RASEF: variants seen among roughly 807,000 people sequenced by gnomAD.
RASEF encodes the protein ras and EF-hand domain-containing protein.
A neutral mutation model predicts 90.1 loss-of-function variants in RASEF; 68 were observed. The ratio of observed to expected loss-of-function variants is 0.75; its 90% CI spans 0.62 to 0.92. The LOEUF is 0.92. RASEF is among the 40% of genes least tolerant of loss of function. The pLI, the probability that RASEF is intolerant of heterozygous loss-of-function variation, is 0.00. For missense variants in RASEF, 949 were observed against 937.2 expected (o/e 1.01, Z -0.16); for synonymous variants, 331 against 345.2 (o/e 0.96, Z 0.46).
chr9:83,059,438 C>G (rs1830167355), intron 1 of RASEF, among the ~76,000 whole-genome samples: 1 of 151,674 alleles, frequency 6.6e-6, no homozygotes, highest in African/African-American at 2.4e-5. Context: ...CACTCTCTCT[C>G]AAAATGCAGA....
rs772412112 is a variant in RASEF, at chr9:83,007,439, G to C, written c.1026C>G (p.Leu342=). The change falls in exon 7 of 17, where the codon CTC becomes CTG. Residue 342 remains leucine (L), a splice_region_variant and synonymous_variant. Coordinates refer to ENST00000376447, the MANE Select transcript of RASEF (RefSeq NM_152573.4). ...RNSLERQIEI[L]QTANRKLHDS... ...GAGCATTTGATCTGCGGACTTACTG[G>C]AGTATTTCAATTTGCCTCTCAAGAC... is the stretch of plus-strand genomic sequence containing the variant. The C allele has an allele frequency of 1.9e-6, 3 of 1,604,146 alleles. No individual in the cohort carries two copies. In the South Asian group the frequency reaches 3.3e-5, roughly 18 times the overall value.
intron 1 of RASEF, chr9:83,054,684 T>C (rs1320429258): frequency 7.1e-6 from 1 of 141,750 alleles, no homozygotes; most frequent in East Asian, 2.2e-4. Context: ...TTTTATCTAC[T>C]TTTGGTCTTT....
the RASEF span, among the ~76,000 whole-genome samples, chr9:83,153,433 C>T: frequency 6.6e-6 from 1 of 152,150 alleles, no homozygotes; most frequent in Non-Finnish European, 1.5e-5. Flanking sequence ...TGCCCAAAAC[C>T]CTAAAAAATT....
the RASEF span, among the ~76,000 whole-genome samples, chr9:83,091,868 G>A: frequency 1.3e-5 from 2 of 152,056 alleles, no homozygotes; most frequent in South Asian, 4.2e-4. Context: ...CCAAAATTTT[G>A]AGATGTTATT....
chr9:83,119,200 G>A, the RASEF span, among the ~76,000 whole-genome samples: 12 of 145,286 alleles, frequency 8.3e-5, no homozygotes, highest in African/African-American at 2.8e-4. Flanking sequence ...TGTATTTTTG[G>A]TAGAGACGGG....
intron 9 of RASEF, among the ~76,000 whole-genome samples, chr9:83,001,721 A>C (rs1829044138): frequency 6.6e-6 from 1 of 152,210 alleles, no homozygotes; most frequent in African/African-American, 2.4e-5. Flanking sequence ...ACAAGACAAA[A>C]TAAGATAAGC....
the RASEF span, among the ~76,000 whole-genome samples, chr9:83,110,594 T>G: frequency 6.6e-6 from 1 of 151,758 alleles, no homozygotes; most frequent in Non-Finnish European, 1.5e-5. Flanking sequence ...AGGCCCAGAG[T>G]GTGCACAAAG....
chr9:83,158,719 T>TATGTATATATTTATGTACATATACATAC, the RASEF span, among the ~76,000 whole-genome samples: 1 of 149,038 alleles, frequency 6.7e-6, no homozygotes, highest in African/African-American at 2.5e-5. Context: ...CATATACATA[T>TATGTATATATTTATGTACATATACATAC]ATGTATATAT....
chr9:83,168,654 A>ATC, the RASEF span, among the ~76,000 whole-genome samples: 1 of 152,216 alleles, frequency 6.6e-6, no homozygotes, highest in East Asian at 1.9e-4. Flanking sequence ...TGGGCAGAAG[A>ATC]TCTGAATAGA....
chr9:83,075,107 C>T, the RASEF span, among the ~76,000 whole-genome samples: 1 of 152,030 alleles, frequency 6.6e-6, no homozygotes, highest in African/African-American at 2.4e-5. Flanking sequence ...ATTAATTTTG[C>T]CTTTGTGAAG....
At chr9:83,175,863 G>C in the RASEF span, among the ~76,000 whole-genome samples, 5 of 152,312 alleles carry the variant, frequency 3.3e-5, no homozygotes, top group Admixed American at 3.3e-4. Flanking sequence ...ACAGGCGTGA[G>C]CCACCACACC....
chr9:83,212,727 A>T, the RASEF span, among the ~76,000 whole-genome samples: 1 of 152,358 alleles, frequency 6.6e-6, no homozygotes, highest in South Asian at 2.1e-4. Context: ...AGGCATGAAA[A>T]AGATGCTTGC....
the RASEF span, among the ~76,000 whole-genome samples, chr9:83,203,254 C>T: frequency 6.6e-6 from 1 of 151,380 alleles, no homozygotes; most frequent in Non-Finnish European, 1.5e-5. Flanking sequence ...TGTAGACCCT[C>T]CTTATGTTCT....
At chr9:83,056,059 G>T (rs1830096458) in intron 1 of RASEF, among the ~76,000 whole-genome samples, 1 of 152,172 alleles carries the variant, frequency 6.6e-6, no homozygotes, top group African/African-American at 2.4e-5. Flanking sequence ...GTGAACTAGA[G>T]AAAGAATCAA....
intron 7 of RASEF, among the ~76,000 whole-genome samples, chr9:83,006,381 C>T: frequency 6.6e-6 from 1 of 152,180 alleles, no homozygotes; most frequent in East Asian, 1.9e-4. Flanking sequence ...TCCTGGCATA[C>T]CTGGCCTGTA....
At chr9:83,182,692 A>G in the RASEF span, among the ~76,000 whole-genome samples, 5 of 152,202 alleles carry the variant, frequency 3.3e-5, no homozygotes, top group Admixed American at 2.6e-4. Context: ...CAAAATGGTC[A>G]AACAGACTAG....
chr9:83,208,594 T>C, the RASEF span, among the ~76,000 whole-genome samples: 1 of 152,192 alleles, frequency 6.6e-6, no homozygotes, highest in Non-Finnish European at 1.5e-5. Context: ...TGTCATATTG[T>C]TGTTCAGCAG....
chr9:83,138,048 A>G, the RASEF span, among the ~76,000 whole-genome samples: 1 of 151,738 alleles, frequency 6.6e-6, no homozygotes, highest in Non-Finnish European at 1.5e-5. Context: ...ATACTAAGAG[A>G]AATTAAATAA....
chr9:83,089,547 C>G, the RASEF span, among the ~76,000 whole-genome samples: 2,336 of 152,178 alleles, frequency 0.015, 75 homozygotes, highest in African/African-American at 0.053. Context: ...GAGAGCTTTA[C>G]CAGATAGAGA....
Sources: allele counts gnomAD v4.1 joint callset (sites outside exome capture counted in the v4.1 genomes callset), GRCh38; gene constraint gnomAD v4.1.1; transcripts MANE v1.5; gene names NCBI Gene and HGNC (gene_info 2026-07-23, HGNC 2026-07-21).